Variants in UGDH observed in about 807,000 individuals in gnomAD.
UGDH encodes UDP-Glc dehydrogenase.
Under a neutral mutation model 50.6 loss-of-function variants are expected in UGDH, and 38 were observed. That is an observed-to-expected ratio of 0.75 (90% CI 0.58 to 0.98). The LOEUF is 0.98. UGDH is among the 50% of genes least tolerant of loss of function. The probability of loss-of-function intolerance (pLI) is 0.00; values close to 1 mark genes in which losing one functional copy is unlikely to be tolerated. For synonymous variants in UGDH, 168 were observed against 199.9 expected, an observed-to-expected ratio of 0.84 and a Z score of 1.35; for missense variants, 465 against 606.2, an observed-to-expected ratio of 0.77 and a Z score of 2.45.
chr4:39,509,701 T>C (rs1465376953), intron 6 of UGDH, 59 bp downstream of exon 6: 1 of 1,555,678 alleles, frequency 6.4e-7, no homozygotes, highest in East Asian at 2.3e-5. Flanking sequence ...TACCAGCAAA[T>C]AATATGCCTT....
Position 39,504,030 on chromosome 4 carries a change from C to T in UGDH, c.1264-45G>A, listed in dbSNP as rs753271353. 32 of 1,540,908 alleles carry T rather than the reference C, an allele frequency of 2.1e-5. No homozygotes were observed. The Middle Eastern group carries it at 5.1e-4, about 24-fold the overall frequency. On this transcript the variant is annotated intron_variant, in intron 10 of 11. Transcript: ENST00000316423. ...GAACAATTAAAACACATACGTGGGC[C>T]GGGCGGAGTGGCTCATGCCTGTAAT...
At chr4:39,526,044 A>G (rs954123930) in intron 1 of UGDH, among the ~76,000 whole-genome samples, 5 of 152,200 alleles carry the variant, frequency 3.3e-5, no homozygotes, top group African/African-American at 1.2e-4. Flanking sequence ...CCCTACTACA[A>G]TCTAAACGGA....
chr4:39,501,716 T>C (rs1022993323), intron 11 of UGDH, among the ~76,000 whole-genome samples: 10 of 152,196 alleles, frequency 6.6e-5, no homozygotes, highest in Non-Finnish European at 1.5e-4. Context: ...CAAAGGGTCG[T>C]GGTAAGTATT....
Position 39,505,259 on chromosome 4 carries a change from T to C in UGDH, c.1149A>G (p.Pro383=), listed in dbSNP as rs150664067. The C allele has an allele frequency of 1.3e-5, 21 of 1,599,036 alleles. No homozygotes were observed. The highest frequency in any genetic ancestry group is 1.8e-5 in the Non-Finnish European group (21 of 1,175,460). ...REQIVVDLSH[P]GVSEDDQVSR... ...TACCTTGGTCATCCTCTGAAACACC[T>C]GGATGAGAAAGATCCACAACTATTT... Residue 383 remains proline (P), a synonymous_variant, in exon 9 of 12, where the codon CCA becomes CCG. Transcript: ENST00000316423.
intron 11 of UGDH, among the ~76,000 whole-genome samples, chr4:39,500,941 A>G (rs1745781363): frequency 6.6e-6 from 1 of 150,730 alleles, no homozygotes; most frequent in South Asian, 2.1e-4. Context: ...GGCGTGAGCC[A>G]CTGTGCCCGA....
At chr4:39,504,262 T>A (rs561011305) in intron 10 of UGDH, among the ~76,000 whole-genome samples, 155 bp downstream of exon 10, 1 of 151,372 alleles carries the variant, frequency 6.6e-6, no homozygotes, top group African/African-American at 2.4e-5. Flanking sequence ...GAGCCGAGAT[T>A]GCGCCACTGC....
At chr4:39,525,213 T>C (rs1158103578) in intron 1 of UGDH, among the ~76,000 whole-genome samples, 1 of 152,262 alleles carries the variant, frequency 6.6e-6, no homozygotes, top group Non-Finnish European at 1.5e-5. Flanking sequence ...TTTTTCTTTT[T>C]GAGACGGAGT....
intron 3 of UGDH, 122 bp downstream of exon 3, chr4:39,513,961 C>T (rs1231843225): frequency 2.0e-5 from 15 of 753,976 alleles, no homozygotes; most frequent in South Asian, 7.7e-5. Flanking sequence ...CAAAATTCAC[C>T]GGACAACTCT....
At chr4:39,502,263 T>C (rs1745846890) in intron 11 of UGDH, among the ~76,000 whole-genome samples, 1 of 152,180 alleles carries the variant, frequency 6.6e-6, no homozygotes, top group Non-Finnish European at 1.5e-5. Flanking sequence ...AGGGGTGGAA[T>C]AGAAGAGTCC....
chr4:39,518,132 C>T (rs1215438754), intron 2 of UGDH, among the ~76,000 whole-genome samples: 1 of 151,890 alleles, frequency 6.6e-6, no homozygotes, highest in Non-Finnish European at 1.5e-5. Context: ...GATTTCACCA[C>T]GTTGTCAAGG....
At chr4:39,508,133 G>T (rs1746098461) in intron 7 of UGDH, among the ~76,000 whole-genome samples, 1 of 152,046 alleles carries the variant, frequency 6.6e-6, no homozygotes, top group African/African-American at 2.4e-5. Context: ...ACTAATTTTT[G>T]ACTTCCTGGA....
Position 39,500,185 on chromosome 4 carries a change from C to T in UGDH, c.1443G>A (p.Lys481=). 1 of 1,601,688 alleles carries T rather than the reference C, an allele frequency of 6.2e-7. No individual in the cohort carries two copies. Among genetic ancestry groups the T allele is most frequent in the Middle Eastern group, 1.7e-4 (1 of 6,002 alleles). ...TGTTAGGTGGATCTTGAAGACTAAA[C>T]TTCGGAATTTCACCAGAAGGAGCAT... ...IPYAPSGEIP[K]FSLQDPPNKK... Residue 481 remains lysine, a synonymous_variant, in exon 12 of 12, where the codon AAG becomes AAA. Coordinates refer to ENST00000316423, the MANE Select transcript of UGDH (RefSeq NM_003359.4).
chr4:39,515,400 G>T (rs1746403111), intron 2 of UGDH, among the ~76,000 whole-genome samples: 1 of 152,022 alleles, frequency 6.6e-6, no homozygotes, highest in Non-Finnish European at 1.5e-5. Flanking sequence ...GGCTGTGAAA[G>T]TCAATTTACT....
intron 3 of UGDH, among the ~76,000 whole-genome samples, 154 bp from the exon 4 acceptor site, chr4:39,511,015 T>C (rs1435028324): frequency 6.6e-6 from 1 of 152,162 alleles, no homozygotes; most frequent in Non-Finnish European, 1.5e-5. Context: ...ATTTTATAAA[T>C]ATAATAATCA....
chr4:39,519,064 G>A (rs1746542965), intron 2 of UGDH, among the ~76,000 whole-genome samples: 2 of 151,952 alleles, frequency 1.3e-5, no homozygotes, highest in African/African-American at 4.8e-5. Flanking sequence ...TTACAGGCGT[G>A]AGCCACCACA....
chr4:39,519,219 A>T (rs1308228487), intron 2 of UGDH, among the ~76,000 whole-genome samples: 2 of 146,074 alleles, frequency 1.4e-5, no homozygotes, highest in Non-Finnish European at 3.0e-5. Context: ...GCCTGGCCGT[A>T]TTTTTTTTTT....
intron 2 of UGDH, among the ~76,000 whole-genome samples, chr4:39,517,313 C>G (rs977250364): frequency 6.6e-6 from 1 of 151,818 alleles, no homozygotes; most frequent in Non-Finnish European, 1.5e-5. Context: ...AGCGATTCTC[C>G]TGCCTCAGCC....
Position 39,503,980 on chromosome 4 carries a change from C to T in UGDH, c.1269G>A (p.Leu423=). 6.2e-7 allele frequency: 1 copy of T among 1,613,332 alleles called. No individual in the cohort carries two copies. The highest frequency in any genetic ancestry group is 8.5e-7 in the Non-Finnish European group (1 of 1,179,404). Residue 423 remains leucine (L), a synonymous_variant, in exon 11 of 12, where the codon TTG becomes TTA. Coordinates refer to ENST00000316423, the MANE Select transcript of UGDH (RefSeq NM_003359.4). The part of the protein sequence containing the change: ...ICTEWDMFKE[L]DYERIHKKML... ...TTTTTTTATGAATGCGTTCATAATC[C>T]AATTCCTGTAAAGACAAACCACAGG... is the stretch of plus-strand genomic sequence containing the variant.
At chr4:39,511,795 T>C (rs1161101895) in intron 3 of UGDH, among the ~76,000 whole-genome samples, 1 of 151,180 alleles carries the variant, frequency 6.6e-6, no homozygotes, top group South Asian at 2.1e-4. Context: ...CTGCAATCTC[T>C]GCTTCCTGGG....
Sources: gnomAD v4.1 joint callset for allele counts (sites outside exome capture counted in the v4.1 genomes callset) on GRCh38, gnomAD v4.1.1 for gene constraint, MANE v1.5 for transcripts, NCBI Gene and HGNC (gene_info 2026-07-23, HGNC 2026-07-21) for gene names.